TRANK1: variants seen among roughly 807,000 people sequenced by gnomAD.
TRANK1 encodes the protein TPR and ankyrin repeat-containing protein 1.
A neutral mutation model predicts 266.0 loss-of-function variants in TRANK1; 198 were observed. That is an observed-to-expected ratio of 0.74 (90% CI 0.66 to 0.84). TRANK1 has a LOEUF of 0.84. TRANK1 is among the 40% of genes least tolerant of loss of function. The pLI is 0.00. For missense variants in TRANK1, 3,326 were observed against 3,634.6 expected (o/e 0.92, Z 2.18); for synonymous variants, 1,396 against 1,384.1 (o/e 1.01, Z -0.19).
intron 17 of TRANK1, among the ~76,000 whole-genome samples, 183 bp from the exon 18 acceptor site, chr3:36,842,893 T>C (rs1294109680): frequency 6.6e-6 from 1 of 152,094 alleles, no homozygotes; most frequent in Non-Finnish European, 1.5e-5. Flanking sequence ...GGTGACTAGG[T>C]TAAAATGAGG....
chr3:36,877,787 T>C (rs2079410827), intron 8 of TRANK1, among the ~76,000 whole-genome samples: 1 of 152,230 alleles, frequency 6.6e-6, no homozygotes, highest in South Asian at 2.1e-4. Context: ...GAGATTTACT[T>C]TTTATCACAT....
intron 13 of TRANK1, among the ~76,000 whole-genome samples, chr3:36,853,634 AAGTAATTTTTG>A (rs2079013595): frequency 6.6e-6 from 1 of 152,206 alleles, no homozygotes; most frequent in Non-Finnish European, 1.5e-5. Flanking sequence ...GGAACTAGAC[AAGTAATTTTTG>A]ATGTAACCAT....
chr3:36,870,688 A>G (rs1452540804), intron 9 of TRANK1, among the ~76,000 whole-genome samples: 1 of 152,196 alleles, frequency 6.6e-6, no homozygotes, highest in African/African-American at 2.4e-5. Context: ...TGCATCCACT[A>G]CCATCACAGG....
chr3:36,863,264 G>A (rs1043271809), intron 10 of TRANK1, among the ~76,000 whole-genome samples: 1 of 152,182 alleles, frequency 6.6e-6, no homozygotes, highest in Non-Finnish European at 1.5e-5. Flanking sequence ...TGGAAAAGCA[G>A]CATTCCCATC....
chr3:36,914,279 G>A (rs1021551990), intron 1 of TRANK1, among the ~76,000 whole-genome samples: 9 of 151,828 alleles, frequency 5.9e-5, no homozygotes, highest in South Asian at 2.1e-4. Flanking sequence ...GATTACAGGC[G>A]CACGCCACCA....
intron 8 of TRANK1, among the ~76,000 whole-genome samples, chr3:36,879,838 A>ATGTAAACATG (rs1559448968): frequency 1.7e-5 from 2 of 115,122 alleles, no homozygotes; most frequent in Admixed American, 9.4e-5. Context: ...ATGTAAATAT[A>ATGTAAACATG]CAAATATATG....
intron 1 of TRANK1, among the ~76,000 whole-genome samples, chr3:36,911,112 G>A (rs1429188438): frequency 3.9e-5 from 6 of 152,110 alleles, no homozygotes; most frequent in Admixed American, 3.9e-4. Context: ...TAATGACAGA[G>A]CAAGTTAGTA....
intron 3 of TRANK1, 39 bp from the exon 4 acceptor site, chr3:36,899,298 T>G: frequency 6.5e-7 from 1 of 1,529,194 alleles, no homozygotes; most frequent in African/African-American, 1.4e-5. Context: ...ATGTACCACA[T>G]CTCCTTTAAC....
rs1239768669 is a variant in TRANK1 at position 36,939,789 on chromosome 3, T to C, written c.23+4998A>G. On this transcript the variant is annotated intron_variant, in intron 1 of 23. Coordinates refer to ENST00000645898, the MANE Select transcript of TRANK1 (RefSeq NM_001329998.2). ...AAATGGTACTTGCTCAAAATATTTA[T>C]GTGGGAATTAAATATAATAATATAT... Among the ~76,000 whole-genome samples the C allele has an allele frequency of 3.5e-4, 54 of 152,324 alleles. 1 individual carries two copies. The highest frequency in any genetic ancestry group is 1.5e-4 in the Non-Finnish European group (10 of 68,030).
At chr3:36,901,160 G>A (rs958427898) in intron 3 of TRANK1, among the ~76,000 whole-genome samples, 1 of 140,380 alleles carries the variant, frequency 7.1e-6, no homozygotes, top group African/African-American at 2.6e-5. Context: ...CCTAAAATAT[G>A]CCACTTTGGC....
At chr3:36,891,352 AT>A (rs1376884311) in intron 7 of TRANK1, among the ~76,000 whole-genome samples, 3 of 152,138 alleles carry the variant, frequency 2.0e-5, no homozygotes, top group Non-Finnish European at 4.4e-5. Flanking sequence ...CAAAAAAAAA[AT>A]CTCTTATAAA....
Position 36,831,483 on chromosome 3 carries a change from T to G in TRANK1, c.8100A>C (p.Glu2700Asp). 6.2e-7 allele frequency: 1 copy of G among 1,613,328 alleles called. No individual in the cohort carries two copies. The highest frequency in any genetic ancestry group is 8.5e-7 in the Non-Finnish European group (1 of 1,179,622). Residue 2700 changes from glutamate to aspartate, a missense_variant, in exon 22 of 24, where the codon GAA (glutamate) becomes GAC (aspartate). Coordinates refer to ENST00000645898, the MANE Select transcript of TRANK1 (RefSeq NM_001329998.2). The surrounding 1 kb of genome is among the most constrained non-coding windows in gnomAD (Gnocchi z 5.0). ...TGGTGGCCAGGACGTGGTCTCGGTC[T>G]TCTAATGCCAGTTCATCCATCTCAT... Reference protein sequence around the residue: ...GQDEMDELALEDRDHVLATIL... With the variant: ...GQDEMDELALDDRDHVLATIL...
At position 36,833,422 on chromosome 3, in the gene TRANK1, T is replaced by C; in HGVS notation, c.6161A>G (p.Asp2054Gly). The C allele has an allele frequency of 6.2e-7, 1 of 1,613,824 alleles. No individual in the cohort carries two copies. The highest frequency in any genetic ancestry group is 8.5e-7 in the Non-Finnish European group (1 of 1,179,802). ...CACTCCAGCTGAGTGGTTGAGCGTG[T>C]CAAACTTGAAGAAGGCATCCCTGAG... ...QKLRDAFFKF[D>G]TLNHSAGVVE... Residue 2054 changes from aspartate (D) to glycine (G), a missense_variant, in exon 22 of 24, where the codon GAC (aspartate) becomes GGC (glycine). Transcript: ENST00000645898.
intron 1 of TRANK1, among the ~76,000 whole-genome samples, chr3:36,918,503 GAAAGAAAGAAAGAAA>G (rs2080160031): frequency 4.3e-4 from 17 of 39,350 alleles, no homozygotes; most frequent in African/African-American, 1.6e-3. Context: ...AAGAAAGAAA[GAAAGAAAGAAAGAAA>G]GAAAGAAAGA....
At chr3:36,844,756 C>A (rs1199363242) in intron 17 of TRANK1, among the ~76,000 whole-genome samples, 1 of 152,098 alleles carries the variant, frequency 6.6e-6, no homozygotes, top group Non-Finnish European at 1.5e-5. Flanking sequence ...ATAGTCAAGT[C>A]TTAGGATAAG....
intron 1 of TRANK1, among the ~76,000 whole-genome samples, chr3:36,936,852 A>C (rs1036900367): frequency 1.7e-4 from 26 of 152,250 alleles, no homozygotes; most frequent in Non-Finnish European, 3.7e-4. Flanking sequence ...CTGTAATCCC[A>C]GCACTTTGGG....
intron 2 of TRANK1, 76 bp downstream of exon 2, chr3:36,908,247 A>C: frequency 4.9e-6 from 6 of 1,226,716 alleles, no homozygotes; most frequent in African/African-American, 1.6e-5. Context: ...GAATGATAAG[A>C]AATGAAAAGA....
intron 7 of TRANK1, among the ~76,000 whole-genome samples, chr3:36,891,091 G>C (rs2079687181): frequency 6.6e-6 from 1 of 152,166 alleles, no homozygotes; most frequent in South Asian, 2.1e-4. Context: ...TGTAATCCCA[G>C]CACTTTGGGA....
At position 36,833,274 on chromosome 3, in the gene TRANK1, G is replaced by A; in HGVS notation, c.6309C>T (p.Asn2103=). The change falls in exon 22 of 24, where the codon AAC becomes AAT. Residue 2103 remains asparagine, a synonymous_variant. Coordinates refer to ENST00000645898, the MANE Select transcript of TRANK1 (RefSeq NM_001329998.2). ...ATTTGACCATTTCCTTCTCAGCATTGTTGGTCACTCTTTTGAGAGCCCTGA... is the reference window on the plus strand; with the variant it reads ...ATTTGACCATTTCCTTCTCAGCATTATTGGTCACTCTTTTGAGAGCCCTGA... ...SLVRALKRVT[N]NAEKEMVKSC... 1 of 1,613,980 alleles carries A rather than the reference G, an allele frequency of 6.2e-7. No individual in the cohort carries two copies. Among genetic ancestry groups the A allele is most frequent in the Non-Finnish European group, 8.5e-7 (1 of 1,179,898 alleles).
Sources: allele counts gnomAD v4.1 joint callset (sites outside exome capture counted in the v4.1 genomes callset), GRCh38; gene constraint gnomAD v4.1.1; non-coding constraint Gnocchi (gnomAD v3.1); transcripts MANE v1.5; gene names NCBI Gene and HGNC (gene_info 2026-07-23, HGNC 2026-07-21).